The following PLCG2 variants were observed in gnomAD, a reference collection of about 807,000 sequenced individuals.
PLCG2 encodes 1-phosphatidylinositol 4,5-bisphosphate phosphodiesterase gamma-2.
A neutral mutation model predicts 175.6 loss-of-function variants in PLCG2; 69 were observed. The observed-to-expected ratio is 0.39, with a 90% CI of 0.32 to 0.48. The LOEUF is 0.48. Among genes scored for constraint, PLCG2 ranks in the 20% least tolerant of loss-of-function variants. PLCG2 has a pLI of 0.91. For synonymous variants in PLCG2, 827 were observed against 624.0 expected (o/e 1.33, Z -4.85); for missense variants, 1,798 against 1,650.9 (o/e 1.09, Z -1.54).
chr16:81,772,124 C>G (rs1293559528), intron 2 of PLCG2, among the ~76,000 whole-genome samples: 1 of 152,028 alleles, frequency 6.6e-6, no homozygotes, highest in Non-Finnish European at 1.5e-5. Context: ...TTAAGGATCT[C>G]AAGATGAGAA....
intron 1 of PLCG2, among the ~76,000 whole-genome samples, chr16:81,755,057 C>T (rs78079224): frequency 0.018 from 2,703 of 152,182 alleles, 35 homozygotes; most frequent in Middle Eastern, 0.034. Flanking sequence ...ATCCTCACTT[C>T]CTCTGCTATT....
intron 22 of PLCG2, among the ~76,000 whole-genome samples, chr16:81,925,241 A>C (rs147326110): frequency 4.6e-5 from 7 of 152,202 alleles, no homozygotes; most frequent in African/African-American, 1.7e-4. Flanking sequence ...TGATGGCAGT[A>C]GTGCTACCTA....
chr16:81,781,052 C>A (rs200676347), intron 1 of PLCG2, among the ~76,000 whole-genome samples: 3 of 121,582 alleles, frequency 2.5e-5, no homozygotes, highest in Admixed American at 8.5e-5. Flanking sequence ...CAAACAAACA[C>A]ACACAAACAC....
At chr16:81,944,581 C>G (rs1330907655) in intron 30 of PLCG2, among the ~76,000 whole-genome samples, 1 of 152,154 alleles carries the variant, frequency 6.6e-6, no homozygotes, top group African/African-American at 2.4e-5. Flanking sequence ...CCTCCTGCCT[C>G]AGTCTTCCTA....
chr16:81,820,123 A>G (rs1904729006), intron 2 of PLCG2, among the ~76,000 whole-genome samples: 1 of 152,246 alleles, frequency 6.6e-6, no homozygotes, highest in Non-Finnish European at 1.5e-5. Context: ...TTCATATTTT[A>G]AGAACTTTTT....
chr16:81,895,385 C>G (rs985237628), intron 12 of PLCG2, among the ~76,000 whole-genome samples: 5 of 152,080 alleles, frequency 3.3e-5, no homozygotes, highest in African/African-American at 4.8e-5. Context: ...ATGGTGCAAC[C>G]CTGTCTCTAC....
At chr16:81,902,070 TC>T (rs1265640530) in intron 14 of PLCG2, among the ~76,000 whole-genome samples, 1 of 152,218 alleles carries the variant, frequency 6.6e-6, no homozygotes, top group African/African-American at 2.4e-5. Flanking sequence ...TCCAAGGGTG[TC>T]CAGGGCAAAT....
Position 81,899,314 on chromosome 16 carries a change from A to G in PLCG2, c.1194-1298A>G, listed in dbSNP as rs115738695. The stretch of plus-strand genomic sequence containing the variant: ...TACACACACACACACATAAATATAT[A>G]TGTGTGTATATATACGTATATATGT... On this transcript the variant is annotated intron_variant, in intron 13 of 32. Coordinates refer to ENST00000564138, the MANE Select transcript of PLCG2 (RefSeq NM_002661.5). 5.3e-3 allele frequency among the ~76,000 whole-genome samples: 796 copies of G among 151,336 alleles called. 5 individuals carry two copies. Among genetic ancestry groups the G allele is most frequent in the African/African-American group, 0.018 (754 of 40,988 alleles).
intron 27 of PLCG2, 117 bp from the exon 28 acceptor site, chr16:81,937,641 G>A: frequency 1.2e-6 from 1 of 838,192 alleles, no homozygotes; most frequent in East Asian, 2.6e-5. Context: ...TATTTGAACA[G>A]CTGCCTCACA....
At chr16:81,878,392 G>A (rs946844579) in intron 7 of PLCG2, among the ~76,000 whole-genome samples, 1 of 152,122 alleles carries the variant, frequency 6.6e-6, no homozygotes, top group Admixed American at 6.5e-5. Context: ...TTCCAAAGAA[G>A]GTCATGCCCA....
At chr16:81,876,113 A>T (rs1386199307) in intron 7 of PLCG2, among the ~76,000 whole-genome samples, 1 of 147,568 alleles carries the variant, frequency 6.8e-6, no homozygotes, top group Non-Finnish European at 1.5e-5. Flanking sequence ...GCAGCCTCGA[A>T]CTCCCTGGCT....
At chr16:81,758,365 T>C (rs1374615370) in intron 2 of PLCG2, among the ~76,000 whole-genome samples, 1 of 152,220 alleles carries the variant, frequency 6.6e-6, no homozygotes, top group Non-Finnish European at 1.5e-5. Context: ...ATATTCCATT[T>C]TATGGATAGA....
At chr16:81,895,590 A>C in intron 12 of PLCG2, 1 of 488,484 alleles carries the variant, frequency 2.0e-6, no homozygotes, top group Non-Finnish European at 3.6e-6. Context: ...AAAAAGCAGC[A>C]TTGAAACTAG....
chr16:81,957,547 C>G (rs1321264634), intron 32 of PLCG2, among the ~76,000 whole-genome samples: 1 of 152,130 alleles, frequency 6.6e-6, no homozygotes, highest in Non-Finnish European at 1.5e-5. Flanking sequence ...GATCCCCCAA[C>G]AGGGATGCTT....
At chr16:81,918,236 C>T (rs539239273) in intron 19 of PLCG2, among the ~76,000 whole-genome samples, 7 of 152,230 alleles carry the variant, frequency 4.6e-5, no homozygotes, top group African/African-American at 1.7e-4. Flanking sequence ...ACTTTTGTTG[C>T]CTGTGCTTTT....
chr16:81,796,795 A>T (rs947652233), intron 2 of PLCG2, among the ~76,000 whole-genome samples: 2 of 152,204 alleles, frequency 1.3e-5, no homozygotes, highest in Admixed American at 6.5e-5. Context: ...CTCAGGAGGA[A>T]CCAGCCTCGC....
At chr16:81,847,330 C>G (rs188417133) in intron 2 of PLCG2, among the ~76,000 whole-genome samples, 2 of 152,326 alleles carry the variant, frequency 1.3e-5, no homozygotes, top group Non-Finnish European at 2.9e-5. Flanking sequence ...GCCCTGTCAT[C>G]CTGGGTTTTT....
chr16:81,801,275 C>T (rs1289182096), intron 2 of PLCG2, among the ~76,000 whole-genome samples: 1 of 151,950 alleles, frequency 6.6e-6, no homozygotes, highest in Non-Finnish European at 1.5e-5. Context: ...TCATAAGTAC[C>T]CTTCCCTCCC....
intron 30 of PLCG2, among the ~76,000 whole-genome samples, chr16:81,940,961 A>G (rs1910915444): frequency 6.6e-6 from 1 of 152,162 alleles, no homozygotes; most frequent in Non-Finnish European, 1.5e-5. Context: ...ATGAGATCAT[A>G]GATTCTTCTG....
Sources: allele counts gnomAD v4.1 joint callset (sites outside exome capture counted in the v4.1 genomes callset), GRCh38; gene constraint gnomAD v4.1.1; transcripts MANE v1.5; gene names NCBI Gene and HGNC (gene_info 2026-07-23, HGNC 2026-07-21).